The following SMAD2 variants were observed in gnomAD, a reference collection of about 807,000 sequenced individuals.
SMAD2 encodes the protein MAD homolog 2.
A neutral mutation model predicts 64.4 loss-of-function variants in SMAD2; 8 were observed. The ratio of observed to expected loss-of-function variants is 0.12; its 90% confidence interval spans 0.07 to 0.22. SMAD2 has a LOEUF of 0.22. SMAD2 is among the 10% of genes least tolerant of loss of function. SMAD2 has a pLI of 1.00. For synonymous variants in SMAD2, 203 were observed against 195.8 expected, an observed-to-expected ratio of 1.04 and a Z score of -0.31; for missense variants, 289 against 561.2, an observed-to-expected ratio of 0.51 and a Z score of 4.90.
At chr18:47,927,270 T>C (rs865805745) in intron 1 of SMAD2, among the ~76,000 whole-genome samples, 1 of 151,632 alleles carries the variant, frequency 6.6e-6, no homozygotes. Context: ...TGTGCAAAAC[T>C]GGTGCCAAGG....
intron 1 of SMAD2, among the ~76,000 whole-genome samples, chr18:47,906,153 T>C (rs181770384): frequency 6.7e-6 from 1 of 149,974 alleles, no homozygotes; most frequent in African/African-American, 2.5e-5. Context: ...AAAAAAAAAA[T>C]ACAGGCTGAG....
chr18:47,906,698 T>C (rs776756293), intron 1 of SMAD2, among the ~76,000 whole-genome samples: 45 of 152,186 alleles, frequency 3.0e-4, no homozygotes, highest in Non-Finnish European at 5.4e-4. Flanking sequence ...TGATTCCTCC[T>C]GGAGTGTCTG....
At chr18:47,893,737 TCTA>T (rs1270637901) in intron 2 of SMAD2, among the ~76,000 whole-genome samples, 1 of 152,176 alleles carries the variant, frequency 6.6e-6, no homozygotes, top group Non-Finnish European at 1.5e-5. Context: ...ATTTAATTGT[TCTA>T]CTACTAAAAA....
At chr18:47,866,316 C>CAAA (rs34302955) in intron 5 of SMAD2, among the ~76,000 whole-genome samples, 905 of 39,976 alleles carry the variant, frequency 0.023, 24 homozygotes, top group East Asian at 0.032. Context: ...AACACCGTCT[C>CAAA]AAAAAAAAAA....
chr18:47,875,899 G>C (rs2032235520), intron 2 of SMAD2, among the ~76,000 whole-genome samples: 1 of 152,014 alleles, frequency 6.6e-6, no homozygotes, highest in East Asian at 1.9e-4. Context: ...TTGGAATTTT[G>C]TGGGTTATAT....
intron 9 of SMAD2, 80 bp downstream of exon 9, chr18:47,845,583 T>A: frequency 6.4e-7 from 1 of 1,573,164 alleles, no homozygotes; most frequent in South Asian, 1.1e-5. Context: ...CATGCAATCA[T>A]CTACTGATTC....
intron 7 of SMAD2, among the ~76,000 whole-genome samples, chr18:47,850,349 T>A (rs868290389): frequency 2.2e-4 from 9 of 41,718 alleles, no homozygotes; most frequent in African/African-American, 3.4e-4. Flanking sequence ...TTATATATAT[T>A]ATACATAATA....
chr18:47,867,564 C>T (rs992609853), intron 5 of SMAD2, among the ~76,000 whole-genome samples: 2 of 151,392 alleles, frequency 1.3e-5, no homozygotes, highest in African/African-American at 4.8e-5. Flanking sequence ...GCTTAATCCT[C>T]ATCCTAACAT....
In SMAD2 at chr18:47,809,466, T is replaced by G. The variant is rs1279542137; in HGVS notation, c.*32361A>C. The G allele has an allele frequency of 6.6e-6, 1 of 152,014 alleles. No homozygotes were observed. Among genetic ancestry groups the G allele is most frequent in the Non-Finnish European group, 1.5e-5 (1 of 68,106 alleles). 9.4% of individuals were successfully genotyped at this position (152,014 alleles called of 1,614,324 possible). ...AAGTAGACTAGCCAGTGTAGATGTG[T>G]GCACTTATGCAGAGTGGCCTACCTG... On this transcript the variant is annotated 3_prime_UTR_variant, in exon 11 of 11. Coordinates refer to ENST00000262160, the MANE Select transcript of SMAD2 (RefSeq NM_005901.6).
At chr18:47,883,281 T>C (rs1195401753) in intron 2 of SMAD2, among the ~76,000 whole-genome samples, 1 of 152,228 alleles carries the variant, frequency 6.6e-6, no homozygotes, top group East Asian at 1.9e-4. Context: ...AAGTCAGAAT[T>C]TTAAGGTTTA....
intron 1 of SMAD2, among the ~76,000 whole-genome samples, chr18:47,916,307 C>G (rs2034332989): frequency 6.6e-6 from 1 of 152,148 alleles, no homozygotes; most frequent in Admixed American, 6.5e-5. Context: ...GAGTTAATCC[C>G]TCACGTTTGG....
intron 4 of SMAD2, among the ~76,000 whole-genome samples, chr18:47,869,031 C>A (rs2031768235): frequency 6.6e-6 from 1 of 152,000 alleles, no homozygotes; most frequent in African/African-American, 2.4e-5. Context: ...CACTTTCATG[C>A]CAAATCATAT....
At chr18:47,903,103 T>TG (rs1157468006) in intron 1 of SMAD2, among the ~76,000 whole-genome samples, 1 of 151,480 alleles carries the variant, frequency 6.6e-6, no homozygotes, top group African/African-American at 2.4e-5. Context: ...CCCTCATCAA[T>TG]GGGGGATGGG....
At chr18:47,913,773 G>A (rs560904733) in intron 1 of SMAD2, among the ~76,000 whole-genome samples, 2 of 152,342 alleles carry the variant, frequency 1.3e-5, no homozygotes, top group South Asian at 2.1e-4. Flanking sequence ...GTCATTTACA[G>A]AATATACAGA....
At chr18:47,852,976 C>A (rs1183253239) in intron 6 of SMAD2, among the ~76,000 whole-genome samples, 1 of 152,002 alleles carries the variant, frequency 6.6e-6, no homozygotes, top group Non-Finnish European at 1.5e-5. Flanking sequence ...CACGTTTAGG[C>A]ACAGTTACCT....
Position 47,882,041 on chromosome 18 carries a change from C to CTTTTTT in SMAD2, c.237-11483_237-11478dup, listed in dbSNP as rs71162900. 9.7e-3 allele frequency among the ~76,000 whole-genome samples: 376 copies of CTTTTTT among 38,862 alleles called. 93 individuals are homozygous for CTTTTTT. Among genetic ancestry groups the CTTTTTT allele is most frequent in the South Asian group, 0.016 (12 of 772 alleles). 25.5% of individuals were successfully genotyped at this position (38,862 alleles called of 152,430 possible). A position where few individuals can be genotyped will look rare whatever the true frequency, so the allele number is the denominator to read the frequency against. On this transcript the variant is annotated intron_variant, in intron 2 of 10. Coordinates refer to ENST00000262160, the MANE Select transcript of SMAD2 (RefSeq NM_005901.6). ...CACAGGAATGTACTACCACGCTTGGCTTTTTTTTTTTTTTTTTTTTTTTTT... is the reference window on the plus strand; with the variant it reads ...CACAGGAATGTACTACCACGCTTGGCTTTTTTTTTTTTTTTTTTTTTTTTTTTTTTT...
intron 6 of SMAD2, among the ~76,000 whole-genome samples, chr18:47,863,329 A>C (rs993790459): frequency 1.3e-5 from 2 of 152,158 alleles, no homozygotes; most frequent in African/African-American, 4.8e-5. Context: ...TAAACCTGTC[A>C]TTCAGAAAGC....
chr18:47,820,090 A>C lies in SMAD2; in HGVS notation c.*21737T>G, dbSNP rs1167731141. On this transcript the variant is annotated 3_prime_UTR_variant, in exon 11 of 11. Coordinates refer to ENST00000262160, the MANE Select transcript of SMAD2 (RefSeq NM_005901.6). ...ATGTAATTTGAAATCTTATAAATTA[A>C]TCTTCAGTAAATGTCTGGATCATTT... The C allele has an allele frequency of 6.6e-6, 1 of 152,208 alleles. No individual in the cohort carries two copies. The highest frequency in any genetic ancestry group is 1.5e-5 in the Non-Finnish European group (1 of 68,036). The allele number at this position is 152,208 out of a possible 1,614,324, so 9.4% of individuals were successfully genotyped here.
intron 6 of SMAD2, among the ~76,000 whole-genome samples, chr18:47,864,048 A>G (rs1015665242): frequency 5.9e-5 from 9 of 152,132 alleles, no homozygotes; most frequent in Non-Finnish European, 1.0e-4. Flanking sequence ...TGTCACAGTA[A>G]CAGCTGTCCA....
Sources: allele counts gnomAD v4.1 joint callset (sites outside exome capture counted in the v4.1 genomes callset), GRCh38; gene constraint gnomAD v4.1.1; transcripts MANE v1.5; gene names NCBI Gene and HGNC (gene_info 2026-07-23, HGNC 2026-07-21).